Variants in PXDNL observed in about 807,000 individuals in gnomAD.
PXDNL encodes peroxidasin like.
A neutral mutation model predicts 150.8 loss-of-function variants in PXDNL; 145 were observed. The ratio of observed to expected loss-of-function variants is 0.96; its 90% CI spans 0.84 to 1.10. The LOEUF is 1.10. PXDNL is among the 50% of genes least tolerant of loss of function. PXDNL has a pLI of 0.00. For synonymous variants in PXDNL, 757 were observed against 725.7 expected (o/e 1.04, Z -0.69); for missense variants, 2,087 against 1,873.9 (o/e 1.11, Z -2.10).
At chr8:51,524,666 C>T (rs55677072) in intron 4 of PXDNL, among the ~76,000 whole-genome samples, 75,459 of 151,676 alleles carry the variant, frequency 0.5, 21,972 homozygotes, top group Non-Finnish European at 0.64. Context: ...AAGTACTTCT[C>T]AATTAATTTT....
At chr8:51,453,920 T>TATATATAC in intron 9 of PXDNL, 135 bp from the exon 10 acceptor site, 1 of 754,252 alleles carries the variant, frequency 1.3e-6, no homozygotes, top group Non-Finnish European at 2.1e-6. Context: ...TATATATATA[T>TATATATAC]ACACATTTAA....
intron 21 of PXDNL, among the ~76,000 whole-genome samples, chr8:51,337,238 C>A (rs1438234656): frequency 6.6e-6 from 1 of 152,116 alleles, no homozygotes; most frequent in Non-Finnish European, 1.5e-5. Context: ...ATCAAATACA[C>A]AATTATCACC....
intron 2 of PXDNL, among the ~76,000 whole-genome samples, chr8:51,643,351 A>T (rs969523565): frequency 9.2e-5 from 14 of 152,204 alleles, no homozygotes. Flanking sequence ...AGAGATATAG[A>T]CCAATGGAAC....
intron 6 of PXDNL, among the ~76,000 whole-genome samples, chr8:51,479,573 A>G (rs370902486): frequency 6.6e-5 from 10 of 152,326 alleles, no homozygotes; most frequent in African/African-American, 2.4e-4. Flanking sequence ...GTCATCATGG[A>G]TGGAACTGGA....
At chr8:51,528,350 T>C (rs1480463679) in intron 4 of PXDNL, among the ~76,000 whole-genome samples, 5 of 152,050 alleles carry the variant, frequency 3.3e-5, no homozygotes, top group African/African-American at 1.2e-4. Context: ...AATGCGCAGA[T>C]GCCCAATATA....
chr8:51,565,978 A>G (rs1341418034), intron 3 of PXDNL, among the ~76,000 whole-genome samples: 1 of 151,812 alleles, frequency 6.6e-6, no homozygotes, highest in African/African-American at 2.4e-5. Context: ...TGAAGAGAGT[A>G]CCCTCGCTTC....
chr8:51,597,836 T>C (rs1813608515), intron 2 of PXDNL, among the ~76,000 whole-genome samples: 1 of 151,980 alleles, frequency 6.6e-6, no homozygotes, highest in African/African-American at 2.4e-5. Flanking sequence ...TGCCTCAGCC[T>C]CCCGAGTAGC....
chr8:51,488,265 C>T (rs79629682), intron 5 of PXDNL, among the ~76,000 whole-genome samples: 1,959 of 152,184 alleles, frequency 0.013, 40 homozygotes, highest in African/African-American at 0.045. Flanking sequence ...AAAATGTTGA[C>T]AGATGAAATA....
chr8:51,595,933 C>G (rs1322274205), intron 2 of PXDNL, among the ~76,000 whole-genome samples: 3 of 152,082 alleles, frequency 2.0e-5, no homozygotes, highest in African/African-American at 7.2e-5. Context: ...TCAGGGGGCA[C>G]ATGTGCAGAT....
chr8:51,558,125 T>C (rs1005618291), intron 3 of PXDNL, among the ~76,000 whole-genome samples: 1 of 152,146 alleles, frequency 6.6e-6, no homozygotes. Flanking sequence ...AACTCACTAG[T>C]GGTTCTCAAG....
At chr8:51,765,993 G>A (rs1023878021) in intron 1 of PXDNL, among the ~76,000 whole-genome samples, 22 of 151,966 alleles carry the variant, frequency 1.4e-4, no homozygotes, top group Non-Finnish European at 2.1e-4. Context: ...ACAGGCGCCC[G>A]CCACCATGCC....
intron 1 of PXDNL, among the ~76,000 whole-genome samples, chr8:51,769,325 T>C (rs1366372140): frequency 6.6e-6 from 1 of 152,198 alleles, no homozygotes; most frequent in Non-Finnish European, 1.5e-5. Flanking sequence ...GGTCCAGTAG[T>C]TACCATTACT....
intron 1 of PXDNL, among the ~76,000 whole-genome samples, chr8:51,793,906 C>G (rs1325103346): frequency 6.6e-6 from 1 of 151,268 alleles, no homozygotes; most frequent in East Asian, 1.9e-4. Flanking sequence ...ACAACAACAA[C>G]AACAAAAGAT....
chr8:51,644,408 G>GCACA (rs1814867287), intron 2 of PXDNL, among the ~76,000 whole-genome samples: 1 of 32,256 alleles, frequency 3.1e-5, no homozygotes, highest in East Asian at 1.0e-3. Flanking sequence ...ATATACACAT[G>GCACA]TGTGTGTATA....
intron 12 of PXDNL, among the ~76,000 whole-genome samples, 196 bp downstream of exon 12, chr8:51,446,808 G>C (rs1809686393): frequency 6.6e-6 from 1 of 152,014 alleles, no homozygotes; most frequent in African/African-American, 2.4e-5. Flanking sequence ...TAATTAGTAT[G>C]AATGAAAATA....
chr8:51,466,490 G>T (rs7826467), intron 8 of PXDNL, among the ~76,000 whole-genome samples: 22,952 of 152,044 alleles, frequency 0.15, 1,844 homozygotes, highest in Middle Eastern at 0.23. Context: ...TCTTGGCAAA[G>T]AATTTATGGC....
At chr8:51,432,299 T>C (rs531841390) in intron 12 of PXDNL, among the ~76,000 whole-genome samples, 1 of 152,302 alleles carries the variant, frequency 6.6e-6, no homozygotes, top group African/African-American at 2.4e-5. Flanking sequence ...GGTAAGTTGT[T>C]AATCCTTGAG....
chr8:51,380,130 A>G (rs76645045), intron 17 of PXDNL, among the ~76,000 whole-genome samples: 2 of 19,976 alleles, frequency 1.0e-4, no homozygotes, highest in Admixed American at 1.3e-3. Context: ...GACGAGCTAA[A>G]AAAAAAAAAA....
intron 3 of PXDNL, 59 bp from the exon 4 acceptor site, chr8:51,556,970 G>T: frequency 1.0e-6 from 1 of 1,002,480 alleles, no homozygotes; most frequent in Admixed American, 1.9e-5. Flanking sequence ...ACATGTCTTA[G>T]ATACAAACTT....
Sources: gnomAD v4.1 joint callset for allele counts (sites outside exome capture counted in the v4.1 genomes callset) on GRCh38, gnomAD v4.1.1 for gene constraint, MANE v1.5 for transcripts, NCBI Gene and HGNC (gene_info 2026-07-23, HGNC 2026-07-21) for gene names.